RPP40: variants seen among roughly 807,000 people sequenced by gnomAD.
The protein encoded by RPP40 is ribonuclease P/MRP subunit p40, also known as ribonuclease P protein subunit p40.
A neutral mutation model predicts 42.5 loss-of-function variants in RPP40; 30 were observed. The ratio of observed to expected loss-of-function variants is 0.71; its 90% CI spans 0.53 to 0.96. The LOEUF (loss-of-function observed/expected upper bound fraction) is 0.96. Ranked by LOEUF, RPP40 falls within the 40% of genes least tolerant of loss-of-function variation. The pLI is 0.00. For synonymous variants in RPP40, 173 were observed against 164.0 expected, an observed-to-expected ratio of 1.05 and a Z score of -0.42; for missense variants, 426 against 433.5, an observed-to-expected ratio of 0.98 and a Z score of 0.15.
intron 1 of RPP40, 143 bp downstream of exon 1, chr6:5,003,737 C>CA (rs1759660509): frequency 9.2e-7 from 1 of 1,085,514 alleles, no homozygotes; most frequent in East Asian, 2.7e-5. Context: ...TAAGAGACTA[C>CA]AACTCCCAGC....
chr6:4,991,268 C>T (rs1026491502), downstream of RPP40, among the ~76,000 whole-genome samples: 7 of 152,156 alleles, frequency 4.6e-5, no homozygotes, highest in Non-Finnish European at 1.0e-4. Flanking sequence ...CTTTATGTGA[C>T]AAATGTTTTG....
intron 2 of RPP40, chr6:5,001,768 T>C (rs1759564927): frequency 5.0e-6 from 1 of 201,846 alleles, no homozygotes; most frequent in African/African-American, 2.3e-5. Context: ...GCTGACAGCA[T>C]AGTGTCTTTG....
At chr6:4,994,147 CA>C (rs995474292), downstream of RPP40, among the ~76,000 whole-genome samples, 1 of 144,132 alleles carries the variant, frequency 6.9e-6, no homozygotes, top group Admixed American at 7.4e-5. Context: ...GTTCTTCAGA[CA>C]AAAAACCAAA....
At chr6:5,001,968 C>T (rs143078515) in intron 2 of RPP40, 133 bp downstream of exon 2, 18 of 710,754 alleles carry the variant, frequency 2.5e-5, no homozygotes, top group Middle Eastern at 2.5e-4. Flanking sequence ...CGGGGGAGAA[C>T]GCGTGTGCAC....
At chr6:5,003,835 C>G (rs1262222733) in intron 1 of RPP40, 45 bp downstream of exon 1, 3 of 1,582,042 alleles carry the variant, frequency 1.9e-6, no homozygotes, top group African/African-American at 2.7e-5. Context: ...CTCTCGCACG[C>G]GGGGACTGAG....
chr6:5,004,002 T>TG lies in RPP40; in HGVS notation c.-1dup. On this transcript the variant is annotated 5_prime_UTR_variant, in exon 1 of 8. Coordinates refer to ENST00000380051, the MANE Select transcript of RPP40 (RefSeq NM_006638.4). The stretch of plus-strand genomic sequence containing the variant: ...TCCCGAAGCCGGCGCAGCGTGGCCA[T>TG]GCTCTCCTGGGTTCCTGGTCCTCCC... The TG allele has an allele frequency of 6.2e-7, 1 of 1,606,618 alleles. No individual in the cohort carries two copies. The highest frequency in any genetic ancestry group is 8.5e-7 in the Non-Finnish European group (1 of 1,177,374).
At chr6:5,000,719 T>A in intron 2 of RPP40, 88 bp from the exon 3 acceptor site, 1 of 859,208 alleles carries the variant, frequency 1.2e-6, no homozygotes, top group Non-Finnish European at 1.9e-6. Flanking sequence ...ATAACCAGTC[T>A]TCCGGGTCAT....
At chr6:5,003,647 A>G (rs1420957359) in intron 1 of RPP40, 1 of 475,766 alleles carries the variant, frequency 2.1e-6, no homozygotes, top group Non-Finnish European at 3.6e-6. Flanking sequence ...AGCTCCCTCC[A>G]GACTGGGTAC....
At chr6:4,998,927 G>T in intron 4 of RPP40, 86 bp from the exon 5 acceptor site, 1 of 886,414 alleles carries the variant, frequency 1.1e-6, no homozygotes, top group Non-Finnish European at 1.6e-6. Context: ...TTAAAAACTA[G>T]AATTTTGGGA....
chr6:5,000,508 T>TA lies in RPP40; in HGVS notation c.337+54dup, dbSNP rs1554114325. On this transcript the variant is annotated intron_variant, in intron 3 of 7. Transcript: ENST00000380051. ...CAGCTGACTTTTTTTTTTTTTTTTT[T>TA]ACAGTATGCATTTTTTTTTAACAAT... 10 of 1,033,590 alleles carry TA rather than the reference T, an allele frequency of 9.7e-6. No individual in the cohort carries two copies. The African/African-American group carries it at 1.5e-4, about 16-fold the overall frequency. 64.0% of individuals were successfully genotyped at this position (1,033,590 alleles called of 1,614,324 possible). A position where few individuals can be genotyped will look rare whatever the true frequency, so the allele number is the denominator to read the frequency against.
downstream of RPP40, among the ~76,000 whole-genome samples, chr6:4,994,394 A>G (rs1759309267): frequency 1.9e-5 from 2 of 106,214 alleles, no homozygotes; most frequent in Non-Finnish European, 4.6e-5. Context: ...CTTAAAGTAT[A>G]ATAAAAAAAA....
downstream of RPP40, among the ~76,000 whole-genome samples, chr6:4,991,533 T>G (rs1256047218): frequency 6.6e-6 from 1 of 152,246 alleles, no homozygotes; most frequent in Admixed American, 6.5e-5. Flanking sequence ...CGGGTCAAGT[T>G]GATTGATAAA....
rs779450928 is a variant in RPP40, at chr6:5,004,012, G to A, written c.-10C>T. 9.4e-6 allele frequency: 15 copies of A among 1,597,466 alleles called. No individual in the cohort carries two copies. The highest frequency in any genetic ancestry group is 1.3e-5 in the Non-Finnish European group (15 of 1,171,698). ...GGCGCAGCGTGGCCATGCTCTCCTG[G>A]GTTCCTGGTCCTCCCGGCCTCCGCT... is the stretch of plus-strand genomic sequence containing the variant. On this transcript the variant is annotated 5_prime_UTR_variant, in exon 1 of 8. Transcript: ENST00000380051.
downstream of RPP40, among the ~76,000 whole-genome samples, chr6:4,992,133 C>T (rs1246983): frequency 0.3 from 45,220 of 151,560 alleles, 7,304 homozygotes; most frequent in African/African-American, 0.43. Context: ...GTCAGGAGTT[C>T]GAGACCAGCC....
At position 4,996,817 on chromosome 6, in the gene RPP40, G is replaced by A. The variant is rs1231711360; in HGVS notation, c.560-397C>T. On this transcript the variant is annotated intron_variant, in intron 5 of 7. Coordinates refer to ENST00000380051, the MANE Select transcript of RPP40 (RefSeq NM_006638.4). ...AGAAAAAGAAGAGAAACTGAATGGTGATTGAACCTCATCCCAGCTTGACTT... is the reference window on the plus strand; with the variant it reads ...AGAAAAAGAAGAGAAACTGAATGGTAATTGAACCTCATCCCAGCTTGACTT... Among the ~76,000 whole-genome samples the A allele has an allele frequency of 3.9e-5, 6 of 152,334 alleles. No homozygotes were observed. The East Asian group carries it at 9.6e-4, about 24-fold the overall frequency.
chr6:4,989,961 T>C (rs565221638), downstream of RPP40, among the ~76,000 whole-genome samples: 7 of 152,374 alleles, frequency 4.6e-5, no homozygotes, highest in South Asian at 2.1e-4. Context: ...AAGCCTTCAG[T>C]ACAATGTTGA....
intron 7 of RPP40, 26 bp downstream of exon 7, chr6:4,995,925 C>A (rs757618275): frequency 6.2e-7 from 1 of 1,608,474 alleles, no homozygotes; most frequent in Non-Finnish European, 8.5e-7. Context: ...CACTGATGAG[C>A]GATATAAAAG....
chr6:4,999,448 G>A (rs138370943), intron 4 of RPP40, among the ~76,000 whole-genome samples: 2,984 of 151,976 alleles, frequency 0.02, 97 homozygotes, highest in African/African-American at 0.067. Flanking sequence ...ACAGGCATGC[G>A]CCACCACGCC....
rs1323178353 is a variant in RPP40, at chr6:4,995,269, AGTAGTGACTG to A, written c.894-3_900del. 6.2e-7 allele frequency: 1 copy of A among 1,609,078 alleles called. No homozygotes were observed. The highest frequency in any genetic ancestry group is 1.3e-5 in the African/African-American group (1 of 74,824). On this transcript the variant is annotated splice_acceptor_variant and splice_polypyrimidine_tract_variant and coding_sequence_variant and intron_variant, in exon 8 of 8. Transcript: ENST00000380051. LOFTEE classifies it high-confidence loss of function. Reference sequence around the variant, plus strand: ...CATGGAGCTAACTTCGGTTCATCAAAGTAGTGACTGAAAAAAAGGTAGTTGTTAAACAGAG... The same window carrying A: ...CATGGAGCTAACTTCGGTTCATCAAAAAAAAAAGGTAGTTGTTAAACAGAG...
Sources: gnomAD v4.1 joint callset for allele counts (sites outside exome capture counted in the v4.1 genomes callset) on GRCh38, gnomAD v4.1.1 for gene constraint, MANE v1.5 for transcripts, NCBI Gene and HGNC (gene_info 2026-07-23, HGNC 2026-07-21) for gene names.